Variants in CSMD1 observed in about 807,000 individuals in gnomAD.
CSMD1 encodes CUB and sushi domain-containing protein 1.
CSMD1 carries 213 observed loss-of-function variants against 417.5 expected under a neutral mutation model. The observed-to-expected ratio is 0.51, with a 90% confidence interval of 0.46 to 0.57. CSMD1 has a LOEUF of 0.57. Ranked by LOEUF, CSMD1 falls within the 20% of genes least tolerant of loss-of-function variation. The probability of loss-of-function intolerance (pLI) is 0.00; values close to 1 mark genes in which losing one functional copy is unlikely to be tolerated. For missense variants in CSMD1, 6,923 were observed against 4,529.7 expected, an observed-to-expected ratio of 1.53 and a Z score of -15.17; for synonymous variants, 2,862 against 1,736.8, an observed-to-expected ratio of 1.65 and a Z score of -16.11.
chr8:4,953,896 C>G (rs774235400), intron 1 of CSMD1, among the ~76,000 whole-genome samples: 3 of 152,020 alleles, frequency 2.0e-5, no homozygotes, highest in Admixed American at 6.6e-5. Flanking sequence ...ATTGGACTAC[C>G]CAGGAGTAGG....
intron 5 of CSMD1, among the ~76,000 whole-genome samples, chr8:3,913,743 T>A (rs1007018634): frequency 1.3e-5 from 2 of 152,088 alleles, no homozygotes; most frequent in African/African-American, 4.8e-5. Flanking sequence ...GGAAGGAATG[T>A]GGGTCACAGG....
chr8:4,047,842 AT>A, intron 3 of CSMD1, among the ~76,000 whole-genome samples: 1 of 152,304 alleles, frequency 6.6e-6, no homozygotes, highest in Middle Eastern at 3.4e-3. Flanking sequence ...TTGAAAAAAA[AT>A]ATGAAGTAGA....
intron 5 of CSMD1, among the ~76,000 whole-genome samples, chr8:3,937,095 T>A (rs768520696): frequency 6.6e-6 from 1 of 152,204 alleles, no homozygotes; most frequent in Non-Finnish European, 1.5e-5. Context: ...ATTGCTGCAC[T>A]GTCATAAGAT....
At chr8:3,809,723 C>G (rs754655176) in intron 5 of CSMD1, among the ~76,000 whole-genome samples, 1 of 152,068 alleles carries the variant, frequency 6.6e-6, no homozygotes, top group African/African-American at 2.4e-5. Flanking sequence ...ATCTATAGGT[C>G]TTCAAGGAAG....
At position 4,903,005 on chromosome 8, in the gene CSMD1, T is replaced by A. The variant is rs866128508; in HGVS notation, c.85+91327A>T. Among the ~76,000 whole-genome samples the A allele has an allele frequency of 5.8e-3, 721 of 124,778 alleles. 5 individuals carry two copies. The highest frequency in any genetic ancestry group is 0.026 in the African/African-American group (686 of 26,870). The allele number at this position is 124,778 out of a possible 152,430, so 81.9% of individuals were successfully genotyped here. A position where few individuals can be genotyped will look rare whatever the true frequency, so the allele number is the denominator to read the frequency against. ...AATAATAAATAAATGATAAATAATA[T>A]TAATAATAAATAAATAAATAAATAA... On this transcript the variant is annotated intron_variant, in intron 1 of 69. Transcript: ENST00000635120.
intron 1 of CSMD1, among the ~76,000 whole-genome samples, chr8:4,755,976 A>G (rs1811642228): frequency 6.6e-6 from 1 of 152,232 alleles, no homozygotes; most frequent in African/African-American, 2.4e-5. Flanking sequence ...AAATCAAACT[A>G]TATGATGAAT....
At chr8:3,029,853 A>G (rs1206676354) in intron 50 of CSMD1, among the ~76,000 whole-genome samples, 2 of 152,028 alleles carry the variant, frequency 1.3e-5, no homozygotes, top group African/African-American at 2.4e-5. Flanking sequence ...AAAATCTTAC[A>G]TATAATTTCC....
rs111308433 is a variant in CSMD1, at chr8:3,774,731, T to C, written c.819-20689A>G. Among the ~76,000 whole-genome samples the C allele has an allele frequency of 4.3e-3, 648 of 152,242 alleles. 4 individuals carry two copies. Among genetic ancestry groups the C allele is most frequent in the African/African-American group, 0.015 (609 of 41,528 alleles). On this transcript the variant is annotated intron_variant, in intron 5 of 69. Coordinates refer to ENST00000635120, the MANE Select transcript of CSMD1 (RefSeq NM_033225.6). ...CTTCACGATTTCTGCTCTCAAATTT[T>C]GGTGAAAGGATTTCTATTTACTATT...
chr8:4,805,168 G>A (rs547896166), intron 1 of CSMD1, among the ~76,000 whole-genome samples: 2 of 152,094 alleles, frequency 1.3e-5, no homozygotes, highest in East Asian at 3.9e-4. Context: ...CTGGATGTCA[G>A]TTTACTCGTT....
At position 3,839,408 on chromosome 8, in the gene CSMD1, T is replaced by C. The variant is rs1470799032; in HGVS notation, c.819-85366A>G. Among the ~76,000 whole-genome samples the C allele has an allele frequency of 6.1e-5, 7 of 113,850 alleles. No individual in the cohort carries two copies. The East Asian group carries it at 1.4e-3, about 23-fold the overall frequency. The allele number at this position is 113,850 out of a possible 152,430, so 74.7% of individuals were successfully genotyped here. On this transcript the variant is annotated intron_variant, in intron 5 of 69. Transcript: ENST00000635120. ...AGTCTCCATATATATTTATATATAATAAAAAATAAATATATATAATAAATT... is the reference window on the plus strand; with the variant it reads ...AGTCTCCATATATATTTATATATAACAAAAAATAAATATATATAATAAATT...
chr8:3,039,929 A>C (rs908760406), intron 50 of CSMD1, among the ~76,000 whole-genome samples: 3 of 152,210 alleles, frequency 2.0e-5, no homozygotes, highest in African/African-American at 7.2e-5. Flanking sequence ...ATCTGGCTTT[A>C]ATAAACATAG....
intron 52 of CSMD1, among the ~76,000 whole-genome samples, chr8:3,004,168 C>A (rs565475688): frequency 6.6e-6 from 1 of 152,262 alleles, no homozygotes; most frequent in African/African-American, 2.4e-5. Context: ...TAATAAAATA[C>A]TGAAATTCCT....
At chr8:4,805,744 C>A (rs892023313) in intron 1 of CSMD1, among the ~76,000 whole-genome samples, 1 of 152,156 alleles carries the variant, frequency 6.6e-6, no homozygotes, top group Non-Finnish European at 1.5e-5. Context: ...AAATTCCAGA[C>A]CCTGTCATAT....
chr8:4,327,520 T>C (rs1167752117), intron 3 of CSMD1, among the ~76,000 whole-genome samples: 1 of 152,144 alleles, frequency 6.6e-6, no homozygotes, highest in Non-Finnish European at 1.5e-5. Context: ...TGCAGTGTGA[T>C]GTGTCAGGCT....
chr8:4,145,843 C>T (rs542618591), intron 3 of CSMD1, among the ~76,000 whole-genome samples: 1 of 151,256 alleles, frequency 6.6e-6, no homozygotes, highest in Non-Finnish European at 1.5e-5. Context: ...GGAAGCAGAG[C>T]CGTTCACACC....
intron 2 of CSMD1, among the ~76,000 whole-genome samples, chr8:4,576,824 C>CA (rs1324043812): frequency 1.0e-5 from 1 of 98,320 alleles, no homozygotes; most frequent in African/African-American, 4.0e-5. Flanking sequence ...ATACTTAAAA[C>CA]AAACTATTTT....
intron 11 of CSMD1, among the ~76,000 whole-genome samples, chr8:3,489,553 A>G (rs191855070): frequency 9.0e-4 from 137 of 152,320 alleles, no homozygotes; most frequent in Middle Eastern, 6.8e-3. Context: ...AAAGAACTCA[A>G]CAGACATTTG....
chr8:4,920,961 A>AC (rs1489872967), intron 1 of CSMD1, among the ~76,000 whole-genome samples: 8 of 11,398 alleles, frequency 7.0e-4, no homozygotes, highest in Non-Finnish European at 1.8e-3. Context: ...AAAGAAAGAA[A>AC]GAAAGAAAGA....
chr8:4,662,972 G>C (rs746941927), intron 1 of CSMD1, among the ~76,000 whole-genome samples: 1 of 152,190 alleles, frequency 6.6e-6, no homozygotes, highest in Non-Finnish European at 1.5e-5. Flanking sequence ...TCTTCAACAT[G>C]ATTTCCTTTT....
Sources: gnomAD v4.1 joint callset for allele counts (sites outside exome capture counted in the v4.1 genomes callset) on GRCh38, gnomAD v4.1.1 for gene constraint, MANE v1.5 for transcripts, NCBI Gene and HGNC (gene_info 2026-07-23, HGNC 2026-07-21) for gene names.